The following GRM7 variants were observed in gnomAD, a reference collection of about 807,000 sequenced individuals.
The protein encoded by GRM7 is metabotropic glutamate receptor 7.
In GRM7, 35 loss-of-function variants were observed where a neutral mutation model predicts 84.5. That is an observed-to-expected ratio of 0.41 (90% CI 0.32 to 0.55). The LOEUF (loss-of-function observed/expected upper bound fraction) is 0.55. Ranked by LOEUF, GRM7 falls within the 20% of genes least tolerant of loss-of-function variation. The pLI is 0.19. For missense variants in GRM7, 1,003 were observed against 1,194.6 expected (o/e 0.84, Z 2.36); for synonymous variants, 487 against 455.1 (o/e 1.07, Z -0.89).
chr3:6,885,020 A>G (rs1429387910), intron 1 of GRM7, among the ~76,000 whole-genome samples: 2 of 152,214 alleles, frequency 1.3e-5, no homozygotes, highest in African/African-American at 4.8e-5. Context: ...CTATCCCTGG[A>G]AAATTTGCAT....
intron 4 of GRM7, among the ~76,000 whole-genome samples, chr3:7,356,920 TCACACACACACACACACACACA>T (rs34481316): frequency 3.8e-5 from 5 of 131,254 alleles, no homozygotes; most frequent in African/African-American, 1.5e-4. Context: ...GCCTTTTTGA[TCACACACACACACACACACACA>T]CACACACACA....
At chr3:7,266,668 T>C (rs1307007186) in intron 2 of GRM7, among the ~76,000 whole-genome samples, 1 of 152,196 alleles carries the variant, frequency 6.6e-6, no homozygotes, top group Non-Finnish European at 1.5e-5. Context: ...CAGCTCACAA[T>C]TTTTGATATA....
chr3:7,346,626 G>A (rs919584737), intron 4 of GRM7, among the ~76,000 whole-genome samples: 34 of 151,894 alleles, frequency 2.2e-4, no homozygotes, highest in Admixed American at 2.1e-3. Context: ...GTTTCCTCTG[G>A]AAATGAGTAA....
chr3:7,740,417 T>G lies in GRM7; in HGVS notation c.*11T>G. 1 of 1,477,060 alleles carries G rather than the reference T, an allele frequency of 6.8e-7. No individual in the cohort carries two copies. The highest frequency in any genetic ancestry group is 1.2e-5 in the South Asian group (1 of 84,168). The allele number at this position is 1,477,060 out of a possible 1,614,324, so 91.5% of individuals were successfully genotyped here. A position where few individuals can be genotyped will look rare whatever the true frequency, so the allele number is the denominator to read the frequency against. On this transcript the variant is annotated 3_prime_UTR_variant, in exon 10 of 10. Coordinates refer to ENST00000357716, the MANE Select transcript of GRM7 (RefSeq NM_000844.4). Reference sequence around the variant, plus strand: ...AACCTGGTTATCTAACCTGTTCCATTCCATGGAACCATGGAGGAGGAAGAC... The same window carrying G: ...AACCTGGTTATCTAACCTGTTCCATGCCATGGAACCATGGAGGAGGAAGAC...
intron 1 of GRM7, among the ~76,000 whole-genome samples, chr3:7,084,204 T>C (rs1176843396): frequency 6.6e-6 from 1 of 152,060 alleles, no homozygotes; most frequent in Admixed American, 6.6e-5. Flanking sequence ...CAGAAGGACA[T>C]ATATGAAATA....
intron 7 of GRM7, among the ~76,000 whole-genome samples, chr3:7,495,637 G>A (rs1180209753): frequency 6.6e-6 from 1 of 152,126 alleles, no homozygotes; most frequent in African/African-American, 2.4e-5. Flanking sequence ...TCTCCCGATT[G>A]CTTATTTCTG....
chr3:7,644,047 T>A (rs970315390), intron 8 of GRM7, among the ~76,000 whole-genome samples: 24 of 134,100 alleles, frequency 1.8e-4, no homozygotes, highest in Non-Finnish European at 3.7e-4. Context: ...ATATATAAAA[T>A]ATGTATATAT....
chr3:7,026,438 C>T (rs1035077346), intron 1 of GRM7, among the ~76,000 whole-genome samples: 1 of 152,178 alleles, frequency 6.6e-6, no homozygotes, highest in Non-Finnish European at 1.5e-5. Context: ...ATTATAAATG[C>T]TGCGGGGATA....
chr3:7,459,742 T>G (rs908489022), intron 6 of GRM7, among the ~76,000 whole-genome samples: 4 of 151,964 alleles, frequency 2.6e-5, no homozygotes, highest in Non-Finnish European at 5.9e-5. Flanking sequence ...CAATTCAAGA[T>G]GAGATTTGAG....
chr3:7,069,040 G>T (rs545022673), intron 1 of GRM7, among the ~76,000 whole-genome samples: 3 of 149,916 alleles, frequency 2.0e-5, no homozygotes, highest in South Asian at 4.2e-4. Context: ...TTATATATAC[G>T]ATGATGATAT....
chr3:6,867,647 A>G (rs774697688), intron 1 of GRM7, among the ~76,000 whole-genome samples: 1 of 152,194 alleles, frequency 6.6e-6, no homozygotes, highest in South Asian at 2.1e-4. Context: ...TAAGTAGACA[A>G]TTAAAAACAG....
chr3:6,882,584 C>T (rs1695551624), intron 1 of GRM7, among the ~76,000 whole-genome samples: 1 of 152,106 alleles, frequency 6.6e-6, no homozygotes, highest in Non-Finnish European at 1.5e-5. Flanking sequence ...CTTAAAATCC[C>T]ATTATCCCAT....
At chr3:7,553,043 A>G (rs1485695715) in intron 7 of GRM7, among the ~76,000 whole-genome samples, 1 of 152,178 alleles carries the variant, frequency 6.6e-6, no homozygotes, top group Non-Finnish European at 1.5e-5. Flanking sequence ...AATGCATAGA[A>G]CCAAATGCTT....
chr3:6,943,480 CA>C (rs1697958447), intron 1 of GRM7, among the ~76,000 whole-genome samples: 1 of 151,716 alleles, frequency 6.6e-6, no homozygotes, highest in Non-Finnish European at 1.5e-5. Flanking sequence ...AATCTGATGC[CA>C]AAAAAATAAA....
intron 2 of GRM7, among the ~76,000 whole-genome samples, chr3:7,156,627 T>C (rs1694458378): frequency 6.6e-6 from 1 of 152,138 alleles, no homozygotes; most frequent in South Asian, 2.1e-4. Context: ...CAGTTGACTG[T>C]GTACAAAAAA....
At chr3:7,649,092 T>C (rs1371269946) in intron 8 of GRM7, among the ~76,000 whole-genome samples, 2 of 151,700 alleles carry the variant, frequency 1.3e-5, no homozygotes, top group African/African-American at 2.4e-5. Context: ...TTTTTTGAGA[T>C]GGAGTCTCGC....
chr3:7,351,106 G>A (rs548817720), intron 4 of GRM7, among the ~76,000 whole-genome samples: 1 of 152,144 alleles, frequency 6.6e-6, no homozygotes, highest in East Asian at 1.9e-4. Context: ...TCACTCTGAA[G>A]CCAATGATAT....
intron 7 of GRM7, among the ~76,000 whole-genome samples, chr3:7,514,497 TG>T (rs1700310835): frequency 6.6e-6 from 1 of 152,206 alleles, no homozygotes; most frequent in Admixed American, 6.5e-5. Context: ...ATATATTAAC[TG>T]GTAAAAACCA....
chr3:7,363,822 CCA>C (rs1327699420), intron 4 of GRM7, among the ~76,000 whole-genome samples: 5 of 152,118 alleles, frequency 3.3e-5, no homozygotes, highest in Admixed American at 6.6e-5. Context: ...TATATTTTTA[CCA>C]TTCTGATGGG....
Sources: allele counts gnomAD v4.1 joint callset (sites outside exome capture counted in the v4.1 genomes callset), GRCh38; gene constraint gnomAD v4.1.1; transcripts MANE v1.5; gene names NCBI Gene and HGNC (gene_info 2026-07-23, HGNC 2026-07-21).